Variants in KLHL21 observed in about 807,000 individuals in gnomAD.
The protein encoded by KLHL21 is kelch like family member 21, also known as kelch-like protein 21.
KLHL21 carries 42 observed loss-of-function variants against 44.1 expected under a neutral mutation model. That is an observed-to-expected ratio of 0.95 (90% CI 0.74 to 1.23). The LOEUF is 1.23. Ranked by LOEUF, KLHL21 falls within the 50% of genes most tolerant of loss-of-function variation. The pLI is 0.00. For missense variants in KLHL21, 918 were observed against 889.1 expected, an observed-to-expected ratio of 1.03 and a Z score of -0.41; for synonymous variants, 524 against 411.6, an observed-to-expected ratio of 1.27 and a Z score of -3.31.
chr1:6,599,793 G>C (rs949408739), intron 1 of KLHL21: 1 of 261,918 alleles, frequency 3.8e-6, no homozygotes, highest in Non-Finnish European at 7.3e-6. Flanking sequence ...AGTTCTCCTG[G>C]GGAGCCACAG....
intron 1 of KLHL21, among the ~76,000 whole-genome samples, chr1:6,600,413 T>A (rs1249550910): frequency 1.3e-5 from 2 of 152,178 alleles, no homozygotes; most frequent in African/African-American, 2.4e-5. Flanking sequence ...TTACACCAGG[T>A]CTATTAGAAA....
At chr1:6,598,723 A>C (rs968917351) in intron 2 of KLHL21, among the ~76,000 whole-genome samples, 17 of 151,810 alleles carry the variant, frequency 1.1e-4, no homozygotes, top group African/African-American at 4.1e-4. Flanking sequence ...TCTACAAAAA[A>C]TACAAAAAAA....
At chr1:6,598,163 G>T (rs1189651104) in intron 2 of KLHL21, among the ~76,000 whole-genome samples, 1 of 152,202 alleles carries the variant, frequency 6.6e-6, no homozygotes, top group Non-Finnish European at 1.5e-5. Flanking sequence ...TGGGTGTGGG[G>T]GCTCACACCT....
rs1385023991 is a variant in KLHL21 at position 6,593,001 on chromosome 1, C to A, written c.*364G>T. On this transcript the variant is annotated 3_prime_UTR_variant, in exon 4 of 4. Transcript: ENST00000377658. ...GGACCCCTTCTCCCTTCACGCGTCC[C>A]TCCCAAGTCATCGTCCTCTCCCAAG... 4.2e-6 allele frequency: 1 copy of A among 237,700 alleles called. No homozygotes were observed. Among genetic ancestry groups the A allele is most frequent in the Non-Finnish European group, 8.3e-6 (1 of 121,186 alleles). 14.7% of individuals were successfully genotyped at this position (237,700 alleles called of 1,614,324 possible). A position where few individuals can be genotyped will look rare whatever the true frequency, so the allele number is the denominator to read the frequency against.
At position 6,591,773 on chromosome 1, in the gene KLHL21, C is replaced by T. The variant is rs1033218691; in HGVS notation, c.*1592G>A. On this transcript the variant is annotated 3_prime_UTR_variant, in exon 4 of 4. Coordinates refer to ENST00000377658, the MANE Select transcript of KLHL21 (RefSeq NM_014851.4). ...AGGAAGGAGAAGGGCAGGAAAAGGT[C>T]CAGGGCACAGGGCAAGCAACAGTGC... 1.5e-4 allele frequency: 23 copies of T among 153,288 alleles called. No homozygotes were observed. Among genetic ancestry groups the T allele is most frequent in the African/African-American group, 5.3e-4 (22 of 41,470 alleles). 9.5% of individuals were successfully genotyped at this position (153,288 alleles called of 1,614,324 possible).
Position 6,599,327 on chromosome 1 carries a change from G to A in KLHL21, c.1147C>T (p.Leu383=), listed in dbSNP as rs777293501. The change falls in exon 2 of 4, where the codon CTG becomes TTG. Residue 383 remains leucine (L), a synonymous_variant. Coordinates refer to ENST00000377658, the MANE Select transcript of KLHL21 (RefSeq NM_014851.4). The part of the protein sequence containing the change: ...EYHSSSVLDG[L]LYVVAADSTE... The stretch of plus-strand genomic sequence containing the variant: ...CTGTCGGCGGCCACCACGTACAGCA[G>A]TCCGTCCAGCACAGAGGAGCTGTGG... 5 of 1,613,822 alleles carry A rather than the reference G, an allele frequency of 3.1e-6. No individual in the cohort carries two copies. Among genetic ancestry groups the A allele is most frequent in the East Asian group, 4.5e-5 (2 of 44,894 alleles).
intron 3 of KLHL21, 70 bp downstream of exon 3, chr1:6,595,415 C>T (rs1415119099): frequency 1.4e-6 from 2 of 1,410,554 alleles, no homozygotes; most frequent in Non-Finnish European, 2.0e-6. Context: ...AAACACTCAT[C>T]ACGATGACAC....
chr1:6,593,699 G>C, intron 3 of KLHL21, 41 bp from the exon 4 acceptor site: 1 of 1,521,262 alleles, frequency 6.6e-7, no homozygotes, highest in African/African-American at 1.4e-5. Flanking sequence ...TCAGAGGAGA[G>C]GGTAGGGCAG....
rs200887044 is a variant in KLHL21 at position 6,599,358 on chromosome 1, G to A, written c.1116C>T (p.Arg372=). The change falls in exon 2 of 4, where the codon CGC becomes CGT. Residue 372 remains arginine, a synonymous_variant. Coordinates refer to ENST00000377658, the MANE Select transcript of KLHL21 (RefSeq NM_014851.4). The part of the protein sequence containing the change: ...WAEVAPMLKA[R]EYHSSSVLDG... ...CCAGCACAGAGGAGCTGTGGTACTC[G>A]CGGGCCTTCAGCATGGGCGCCACCT... 1.7e-5 allele frequency: 28 copies of A among 1,613,804 alleles called. No homozygotes were observed. The African/African-American group carries it at 1.9e-4, about 11-fold the overall frequency.
chr1:6,599,794 G>GC, intron 1 of KLHL21: 1 of 260,662 alleles, frequency 3.8e-6, no homozygotes, highest in East Asian at 7.8e-5. Flanking sequence ...GTTCTCCTGG[G>GC]GAGCCACAGA....
intron 1 of KLHL21, among the ~76,000 whole-genome samples, chr1:6,601,359 A>C (rs920475117): frequency 2.6e-5 from 4 of 152,194 alleles, no homozygotes; most frequent in Admixed American, 2.6e-4. Context: ...AGAGTGAGTC[A>C]GGGGGCCCGG....
At position 6,602,160 on chromosome 1, in the gene KLHL21, G is replaced by A. The variant is rs1365334866; in HGVS notation, c.658C>T (p.Leu220=). ...PPRRAAHWPQ[L]LEAVRLPFVR... ...AAGGGCAGGCGCACGGCCTCCAGCA[G>A]CTGCGGCCAGTGCGCGGCGCGGCGC... The change falls in exon 1 of 4, where the codon CTG becomes TTG. Residue 220 remains leucine, a synonymous_variant. Coordinates refer to ENST00000377658, the MANE Select transcript of KLHL21 (RefSeq NM_014851.4). 48 of 1,426,994 alleles carry A rather than the reference G, an allele frequency of 3.4e-5. No homozygotes were observed. The highest frequency in any genetic ancestry group is 4.4e-5 in the Non-Finnish European group (48 of 1,101,402). The allele number at this position is 1,426,994 out of a possible 1,614,324, so 88.4% of individuals were successfully genotyped here.
Position 6,599,266 on chromosome 1 carries a change from T to G in KLHL21, c.1208A>C (p.Glu403Ala), listed in dbSNP as rs199577266. Residue 403 changes from glutamate to alanine, a missense_variant, in exon 2 of 4, where the codon GAG (glutamate) becomes GCG (alanine). Physicochemically the swap from Glu to Ala is moderately radical, Grantham distance 107 (BLOSUM62 -1). Transcript: ENST00000377658. ...ERYDHTTDSW[E>A]ALQPMTYPMD... is the part of the protein sequence containing the mutation. Reference sequence around the variant, plus strand: ...GGGGTAGGTCATGGGCTGCAGGGCCTCCCAGGAGTCAGTGGTGTGGTCATA... The same window carrying G: ...GGGGTAGGTCATGGGCTGCAGGGCCGCCCAGGAGTCAGTGGTGTGGTCATA... The G allele has an allele frequency of 7.7e-5, 124 of 1,613,848 alleles. No individual in the cohort carries two copies. Among genetic ancestry groups the G allele is most frequent in the Non-Finnish European group, 6.9e-5 (81 of 1,180,002 alleles).
Position 6,602,747 on chromosome 1 carries a change from C to T in KLHL21, c.71G>A (p.Gly24Asp). The T allele has an allele frequency of 6.6e-7, 1 of 1,509,962 alleles. No homozygotes were observed. 93.5% of individuals were successfully genotyped at this position (1,509,962 alleles called of 1,614,324 possible). A position where few individuals can be genotyped will look rare whatever the true frequency, so the allele number is the denominator to read the frequency against. ...GCGCTCGGCGCGCAGCTGGCTCAGG[C>T]CGCGCAGCAGGCTCAGGGCGTGCGC... ...DPAHALSLLR[G>D]LSQLRAERKF... Residue 24 changes from glycine to aspartate, a missense_variant, in exon 1 of 4, where the codon GGC (glycine) becomes GAC (aspartate). By Grantham distance (94) the Gly-to-Asp change is moderately conservative. Coordinates refer to ENST00000377658, the MANE Select transcript of KLHL21 (RefSeq NM_014851.4).
chr1:6,599,504 A>ACCT (rs1557435405), intron 1 of KLHL21, 52 bp from the exon 2 acceptor site: 4 of 1,537,462 alleles, frequency 2.6e-6, no homozygotes, highest in Non-Finnish European at 3.5e-6. Context: ...TGAGTCACCC[A>ACCT]CCTGCACCCT....
chr1:6,599,788 T>TACA, intron 1 of KLHL21: 1 of 266,770 alleles, frequency 3.7e-6, no homozygotes, highest in Non-Finnish European at 7.1e-6. Context: ...GGGACAGTTC[T>TACA]CCTGGGGAGC....
chr1:6,602,228 G>A lies in KLHL21; in HGVS notation c.590C>T (p.Ala197Val), dbSNP rs369534954. The A allele has an allele frequency of 7.7e-4, 1,173 of 1,525,324 alleles. 27 individuals are homozygous for A. The East Asian group carries it at 0.018, about 24-fold the overall frequency. 94.5% of individuals were successfully genotyped at this position (1,525,324 alleles called of 1,614,324 possible). The part of the protein sequence containing the change: ...DDGLCVPKEE[A>V]AYQLALRWVR... ...CCAGCGCAGCGCCAGCTGGTAGGCG[G>A]CCTCCTCCTTGGGCACACACAGCCC... The change falls in exon 1 of 4, where the codon GCC becomes GTC. Residue 197 changes from alanine (A) to valine (V), a missense_variant. Coordinates refer to ENST00000377658, the MANE Select transcript of KLHL21 (RefSeq NM_014851.4).
chr1:6,598,934 C>G, intron 2 of KLHL21, 113 bp downstream of exon 2: 2 of 1,117,162 alleles, frequency 1.8e-6, no homozygotes, highest in Non-Finnish European at 2.5e-6. Flanking sequence ...CCAACCCCAG[C>G]TAGGCCTCAG....
intron 2 of KLHL21, among the ~76,000 whole-genome samples, chr1:6,597,472 C>T (rs533706846): frequency 6.6e-6 from 1 of 152,172 alleles, no homozygotes; most frequent in Non-Finnish European, 1.5e-5. Context: ...GAGGGAGAGC[C>T]GGGCAAAGGG....
Sources: allele counts gnomAD v4.1 joint callset (sites outside exome capture counted in the v4.1 genomes callset), GRCh38; gene constraint gnomAD v4.1.1; transcripts MANE v1.5; gene names NCBI Gene and HGNC (gene_info 2026-07-23, HGNC 2026-07-21).